Variants in DNAH9 observed in about 807,000 individuals in gnomAD.
DNAH9 encodes the protein dynein axonemal heavy chain 9, also known as DNAH9 variant protein.
Under a neutral mutation model 471.6 loss-of-function variants are expected in DNAH9, and 345 were observed. The observed-to-expected ratio is 0.73, with a 90% CI of 0.67 to 0.80. The LOEUF is 0.80. Ranked by LOEUF, DNAH9 falls within the 30% of genes least tolerant of loss-of-function variation. The pLI, the probability that DNAH9 is intolerant of heterozygous loss-of-function variation, is 0.00. For synonymous variants in DNAH9, 2,093 were observed against 2,123.6 expected, an observed-to-expected ratio of 0.99 and a Z score of 0.40; for missense variants, 5,407 against 5,609.2, an observed-to-expected ratio of 0.96 and a Z score of 1.15.
Position 11,769,313 on chromosome 17 carries a change from G to A in DNAH9, c.7536G>A (p.Thr2512=), listed in dbSNP as rs1330523982. 5.6e-6 allele frequency: 9 copies of A among 1,612,562 alleles called. No homozygotes were observed. Among genetic ancestry groups the A allele is most frequent in the Admixed American group, 1.7e-5 (1 of 59,790 alleles). Reference sequence around the variant, plus strand: ...ACGTGCCATTCAACTACTACACCACGTCAGCAATGCTGCAGGGTAAGCAGC... The same window carrying A: ...ACGTGCCATTCAACTACTACACCACATCAGCAATGCTGCAGGGTAAGCAGC... The part of the protein sequence containing the change: ...VKNVPFNYYT[T]SAMLQAVLEK... The change falls in exon 38 of 69, where the codon ACG becomes ACA. Residue 2512 remains threonine (T), a synonymous_variant. Coordinates refer to ENST00000262442, the MANE Select transcript of DNAH9 (RefSeq NM_001372.4).
Position 11,922,016 on chromosome 17 carries a change from G to A in DNAH9, c.11750-1798G>A, listed in dbSNP as rs189933003. 5.8e-4 allele frequency among the ~76,000 whole-genome samples: 88 copies of A among 152,220 alleles called. 2 individuals carry two copies. The highest frequency in any genetic ancestry group is 2.8e-4 in the Non-Finnish European group (19 of 68,004). ...ACTTTTTATCCTGGTATTTTCTCTG[G>A]AATGAATTGTTTATCTCCCCACTTC... is the stretch of plus-strand genomic sequence containing the variant. On this transcript the variant is annotated intron_variant, in intron 61 of 68. Coordinates refer to ENST00000262442, the MANE Select transcript of DNAH9 (RefSeq NM_001372.4).
chr17:11,886,086 G>GC (rs1157443528), intron 56 of DNAH9, among the ~76,000 whole-genome samples: 1 of 152,194 alleles, frequency 6.6e-6, no homozygotes, highest in Non-Finnish European at 1.5e-5. Context: ...ACTTTGGGAG[G>GC]CTGAGGCAGG....
chr17:11,774,278 A>T (rs1261029816), intron 38 of DNAH9, among the ~76,000 whole-genome samples: 1 of 152,254 alleles, frequency 6.6e-6, no homozygotes, highest in Non-Finnish European at 1.5e-5. Flanking sequence ...ACAAATATGT[A>T]GCCATAAAAT....
In DNAH9 at chr17:11,617,516, C is replaced by T. The variant is rs3744574; in HGVS notation, c.1010C>T (p.Pro337Leu). Reference protein sequence around the residue: ...EFPEVKPQLRPLLHVVCLIWA... With the variant: ...EFPEVKPQLRLLLHVVCLIWA... ...CCGGAGGTGAAGCCCCAGCTGCGGC[C>T]CCTGCTCCACGTGGTCTGTCTGATT... Residue 337 changes from proline to leucine, a missense_variant, in exon 5 of 69, where the codon CCC becomes CTC. Physicochemically the swap from Pro to Leu is moderately conservative, Grantham distance 98 (BLOSUM62 -3). Transcript: ENST00000262442. 1.8e-4 allele frequency: 288 copies of T among 1,614,084 alleles called. 5 individuals are homozygous for T. In the East Asian group the frequency reaches 5.6e-3, roughly 31 times the overall value.
At chr17:11,916,877 C>T (rs1973978489) in intron 61 of DNAH9, among the ~76,000 whole-genome samples, 1 of 152,232 alleles carries the variant, frequency 6.6e-6, no homozygotes, top group African/African-American at 2.4e-5. Flanking sequence ...AGACACACAA[C>T]ATTCTGTATA....
intron 50 of DNAH9, among the ~76,000 whole-genome samples, chr17:11,855,309 G>A (rs1238353498): frequency 1.3e-5 from 2 of 152,152 alleles, no homozygotes; most frequent in Non-Finnish European, 2.9e-5. Flanking sequence ...TATATAGGCA[G>A]AAAACAAAGA....
intron 61 of DNAH9, among the ~76,000 whole-genome samples, chr17:11,914,674 A>G (rs1035932749): frequency 6.6e-6 from 1 of 152,176 alleles, no homozygotes; most frequent in Non-Finnish European, 1.5e-5. Flanking sequence ...TCTAGAAGCC[A>G]GTTTTGTTCA....
intron 67 of DNAH9, among the ~76,000 whole-genome samples, chr17:11,954,401 C>A (rs562651981): frequency 6.6e-6 from 1 of 151,846 alleles, no homozygotes; most frequent in South Asian, 2.1e-4. Context: ...CTGCTGAAAC[C>A]AGGGATAAAG....
chr17:11,727,066 A>C lies in DNAH9; in HGVS notation c.5710-752A>C, dbSNP rs867677545. On this transcript the variant is annotated intron_variant, in intron 27 of 68. Coordinates refer to ENST00000262442, the MANE Select transcript of DNAH9 (RefSeq NM_001372.4). ...CCGTCTCAAAAAAAAAAAAAAAAAA[A>C]AAAAAAAAAAACCCGCTGAATAAAT... Among the ~76,000 whole-genome samples, 139 of 149,702 alleles carry C rather than the reference A, an allele frequency of 9.3e-4. 3 individuals carry two copies. The highest frequency in any genetic ancestry group is 3.3e-3 in the African/African-American group (130 of 39,828).
At chr17:11,708,105 T>G (rs2074760208) in intron 26 of DNAH9, among the ~76,000 whole-genome samples, 1 of 151,508 alleles carries the variant, frequency 6.6e-6, no homozygotes, top group Admixed American at 6.6e-5. Context: ...TCCCCCATTC[T>G]GAAATGGCCT....
At chr17:11,609,544 C>G (rs2072585345) in intron 2 of DNAH9, among the ~76,000 whole-genome samples, 1 of 152,170 alleles carries the variant, frequency 6.6e-6, no homozygotes, top group East Asian at 1.9e-4. Context: ...TGTGCCGTAT[C>G]ATTTCTCAGC....
Position 11,891,781 on chromosome 17 carries a change from T to TAC in DNAH9, c.11117_11118insAC (p.Phe3706LeufsTer26). 1.2e-6 allele frequency: 2 copies of TAC among 1,614,000 alleles called. No individual in the cohort carries two copies. The highest frequency in any genetic ancestry group is 2.2e-5 in the South Asian group (2 of 91,066). On this transcript the variant is annotated frameshift_variant, in exon 58 of 69. Transcript: ENST00000262442. LOFTEE classifies it high-confidence loss of function. ...TTTCCTGTCTTCTGTCCCCAGGCCT[T>TAC]CAGTATCGTCTTCCAGAAGGCTGTG...
intron 42 of DNAH9, among the ~76,000 whole-genome samples, chr17:11,796,094 G>A (rs2150911028): frequency 6.6e-6 from 1 of 152,354 alleles, no homozygotes; most frequent in East Asian, 1.9e-4. Flanking sequence ...GCATGGCTCT[G>A]ATCATAAAAT....
Position 11,619,766 on chromosome 17 carries a change from A to G in DNAH9, c.1335A>G (p.Gln445=). Residue 445 remains glutamine, a synonymous_variant, in exon 6 of 69, where the codon CAA becomes CAG. Coordinates refer to ENST00000262442, the MANE Select transcript of DNAH9 (RefSeq NM_001372.4). Reference sequence around the variant, plus strand: ...TGCGATTGGATGGCTTCCTGGGACAACTGCACGTGGTGGAGGTGAGTGCGC... The same window carrying G: ...TGCGATTGGATGGCTTCCTGGGACAGCTGCACGTGGTGGAGGTGAGTGCGC... ...VFVRLDGFLG[Q]LHVVEGLLKT... 6.2e-7 allele frequency: 1 copy of G among 1,608,132 alleles called. No individual in the cohort carries two copies. Among genetic ancestry groups the G allele is most frequent in the Non-Finnish European group, 8.5e-7 (1 of 1,174,614 alleles).
At chr17:11,730,764 G>A (rs1401257870) in intron 28 of DNAH9, among the ~76,000 whole-genome samples, 1 of 151,858 alleles carries the variant, frequency 6.6e-6, no homozygotes, top group African/African-American at 2.4e-5. Context: ...TGTTAGTGAT[G>A]ATGATGATGA....
intron 22 of DNAH9, among the ~76,000 whole-genome samples, chr17:11,698,203 T>TA (rs2074517938): frequency 1.6e-5 from 2 of 123,140 alleles, no homozygotes; most frequent in Admixed American, 9.5e-5. Context: ...TAATAATATA[T>TA]TAATAATATA....
At chr17:11,769,432 C>A in intron 38 of DNAH9, 103 bp downstream of exon 38, 2 of 994,328 alleles carry the variant, frequency 2.0e-6, no homozygotes, top group Non-Finnish European at 3.0e-6. Context: ...TTGAGTTCTG[C>A]ATACCCCAGC....
In DNAH9 at chr17:11,680,770, G is replaced by A. The variant is rs773034353; in HGVS notation, c.3624G>A (p.Val1208=). ...WNNIKKVAIT[V]KQQVAPLQAN... ...ACATAAAAAAGGTGGCCATTACTGTGAAGCAGCAGGTGGCCCCACTGCAGG... is the reference window on the plus strand; with the variant it reads ...ACATAAAAAAGGTGGCCATTACTGTAAAGCAGCAGGTGGCCCCACTGCAGG... The change falls in exon 19 of 69, where the codon GTG becomes GTA. Residue 1208 remains valine (V), a synonymous_variant. Transcript: ENST00000262442. 4.3e-6 allele frequency: 7 copies of A among 1,613,896 alleles called. No individual in the cohort carries two copies. Among genetic ancestry groups the A allele is most frequent in the Non-Finnish European group, 5.9e-6 (7 of 1,179,950 alleles).
intron 14 of DNAH9, among the ~76,000 whole-genome samples, chr17:11,656,689 C>T (rs1024103636): frequency 6.6e-6 from 1 of 152,132 alleles, no homozygotes; most frequent in African/African-American, 2.4e-5. Context: ...CAGGTAACTA[C>T]CACAATACAG....
Sources: gnomAD v4.1 joint callset for allele counts (sites outside exome capture counted in the v4.1 genomes callset) on GRCh38, gnomAD v4.1.1 for gene constraint, MANE v1.5 for transcripts, NCBI Gene and HGNC (gene_info 2026-07-23, HGNC 2026-07-21) for gene names.